CAMTA1: variants seen among roughly 807,000 people sequenced by gnomAD.
CAMTA1 encodes the protein calmodulin-binding transcription activator 1.
A neutral mutation model predicts 170.9 loss-of-function variants in CAMTA1; 27 were observed. The observed-to-expected ratio is 0.16, with a 90% CI of 0.12 to 0.22. CAMTA1 has a LOEUF of 0.22. CAMTA1 is among the 10% of genes least tolerant of loss of function. The probability of loss-of-function intolerance (pLI) is 1.00; values close to 1 mark genes in which losing one functional copy is unlikely to be tolerated. For missense variants in CAMTA1, 1,619 were observed against 2,217.2 expected (o/e 0.73, Z 5.42); for synonymous variants, 833 against 891.5 (o/e 0.93, Z 1.17).
chr1:7,710,969 C>T (rs955588132), intron 11 of CAMTA1, among the ~76,000 whole-genome samples: 4 of 152,176 alleles, frequency 2.6e-5, no homozygotes, highest in African/African-American at 9.7e-5. Context: ...AGGCCTGGCT[C>T]ATACACCCCT....
At position 7,093,735 on chromosome 1, in the gene CAMTA1, G is replaced by A. The variant is rs1021949207; in HGVS notation, c.302+2364G>A. 6.6e-6 allele frequency among the ~76,000 whole-genome samples: 1 copy of A among 152,182 alleles called. No individual in the cohort carries two copies. The highest frequency in any genetic ancestry group is 1.5e-5 in the Non-Finnish European group (1 of 67,988). On this transcript the variant is annotated intron_variant, in intron 4 of 22. Coordinates refer to ENST00000303635, the MANE Select transcript of CAMTA1 (RefSeq NM_015215.4). The surrounding 1 kb of genome is among the most constrained non-coding windows in gnomAD (Gnocchi z 4.6). ...ACATAGAGCCAAGAGACCCCACCCCGAGGCACAGGGTGTGTGCCTGGCAGA... is the reference window on the plus strand; with the variant it reads ...ACATAGAGCCAAGAGACCCCACCCCAAGGCACAGGGTGTGTGCCTGGCAGA...
At chr1:7,236,768 A>G (rs1663948005) in intron 4 of CAMTA1, among the ~76,000 whole-genome samples, 2 of 152,358 alleles carry the variant, frequency 1.3e-5, no homozygotes, top group African/African-American at 4.8e-5. Flanking sequence ...TGTTACTGAC[A>G]TTTTAGTCCA....
chr1:7,672,213 G>A (rs1044849949), intron 10 of CAMTA1: 1 of 382,988 alleles, frequency 2.6e-6, no homozygotes, highest in Admixed American at 3.1e-5. Context: ...GGGGTGAGGA[G>A]GAAAGGTACG....
intron 3 of CAMTA1, among the ~76,000 whole-genome samples, chr1:6,977,082 G>A (rs777798653): frequency 1.3e-5 from 2 of 152,022 alleles, no homozygotes; most frequent in South Asian, 2.1e-4. Context: ...ATCCAGTCTC[G>A]GGTCTGTCTT....
At chr1:7,358,567 C>T (rs1447858234) in intron 5 of CAMTA1, among the ~76,000 whole-genome samples, 2 of 152,222 alleles carry the variant, frequency 1.3e-5, no homozygotes, top group East Asian at 1.9e-4. Flanking sequence ...CCCCGGGCAG[C>T]CCCGGCTGCT....
At chr1:7,314,077 G>A (rs912351488) in intron 5 of CAMTA1, among the ~76,000 whole-genome samples, 3 of 152,164 alleles carry the variant, frequency 2.0e-5, no homozygotes, top group African/African-American at 7.2e-5. Context: ...TCATCCCCCG[G>A]GAGGGATCCA....
intron 5 of CAMTA1, among the ~76,000 whole-genome samples, chr1:7,354,066 C>T (rs758832932): frequency 2.6e-5 from 4 of 152,044 alleles, no homozygotes; most frequent in African/African-American, 4.8e-5. Context: ...GCTGCATCCA[C>T]GTTGCTGCAA....
intron 5 of CAMTA1, among the ~76,000 whole-genome samples, chr1:7,356,083 C>T (rs1264309334): frequency 2.0e-5 from 3 of 152,226 alleles, no homozygotes; most frequent in Admixed American, 6.5e-5. Flanking sequence ...ATGTCAAGGC[C>T]ACTGTGGGCA....
At chr1:7,480,672 T>G in intron 6 of CAMTA1, among the ~76,000 whole-genome samples, 1 of 152,058 alleles carries the variant, frequency 6.6e-6, no homozygotes, top group Admixed American at 6.5e-5. Context: ...GCTATCTCCC[T>G]CCTTTCTGTT....
intron 3 of CAMTA1, among the ~76,000 whole-genome samples, chr1:6,984,311 A>G (rs990298836): frequency 2.0e-5 from 3 of 151,956 alleles, no homozygotes; most frequent in Admixed American, 6.6e-5. Context: ...CTTTCTTTTC[A>G]TGGAGAAAAT....
chr1:7,006,666 A>G (rs1202990927), intron 3 of CAMTA1, among the ~76,000 whole-genome samples: 1 of 152,162 alleles, frequency 6.6e-6, no homozygotes, highest in East Asian at 1.9e-4. Flanking sequence ...TCCCTGGGGC[A>G]CCTATTAGCT....
At chr1:7,544,970 A>G (rs1575929082) in intron 6 of CAMTA1, among the ~76,000 whole-genome samples, 1 of 152,164 alleles carries the variant, frequency 6.6e-6, no homozygotes, top group Non-Finnish European at 1.5e-5. Context: ...CATCTCCCAC[A>G]TGGCCCCACC....
intron 2 of CAMTA1, among the ~76,000 whole-genome samples, chr1:6,822,796 A>C (rs1289606559): frequency 1.1e-5 from 1 of 88,776 alleles, no homozygotes; most frequent in African/African-American, 4.6e-5. Context: ...CATAAATACC[A>C]CACACACACA....
chr1:7,717,599 T>C (rs2096620349), intron 11 of CAMTA1, among the ~76,000 whole-genome samples: 1 of 151,814 alleles, frequency 6.6e-6, no homozygotes, highest in Non-Finnish European at 1.5e-5. Context: ...TACAAAAAAT[T>C]AGCCAGGCGT....
At chr1:6,937,083 A>T (rs1292721206) in intron 3 of CAMTA1, among the ~76,000 whole-genome samples, 2 of 151,756 alleles carry the variant, frequency 1.3e-5, no homozygotes, top group Non-Finnish European at 2.9e-5. Flanking sequence ...ATCACTTATC[A>T]CCATCACCAT....
chr1:7,108,261 C>G (rs575325947), intron 4 of CAMTA1, among the ~76,000 whole-genome samples: 1 of 152,144 alleles, frequency 6.6e-6, no homozygotes, highest in Non-Finnish European at 1.5e-5. Context: ...AGAAAATTAC[C>G]TTCTCACCGT....
chr1:7,082,164 G>A (rs764113463), intron 3 of CAMTA1, among the ~76,000 whole-genome samples: 10 of 152,302 alleles, frequency 6.6e-5, no homozygotes, highest in African/African-American at 2.4e-4. Context: ...CTAGCCAGCC[G>A]TGGTGGCTCA....
intron 6 of CAMTA1, among the ~76,000 whole-genome samples, chr1:7,606,696 C>T (rs148388545): frequency 8.9e-4 from 135 of 152,340 alleles, no homozygotes; most frequent in African/African-American, 3.2e-3. Flanking sequence ...GTGTCCTCCT[C>T]TCCAGGGGAT....
intron 5 of CAMTA1, among the ~76,000 whole-genome samples, chr1:7,442,276 G>C (rs2092562767): frequency 6.6e-6 from 1 of 152,184 alleles, no homozygotes. Context: ...AGAGATGGCA[G>C]ATACAGGAGA....
Sources: gnomAD v4.1 joint callset for allele counts (sites outside exome capture counted in the v4.1 genomes callset) on GRCh38, gnomAD v4.1.1 for gene constraint, Gnocchi (gnomAD v3.1) non-coding constraint, MANE v1.5 for transcripts, NCBI Gene and HGNC (gene_info 2026-07-23, HGNC 2026-07-21) for gene names.